Variants in SLCO1A2 observed in about 807,000 individuals in gnomAD.
The protein encoded by SLCO1A2 is OATP-1.
In SLCO1A2, 67 loss-of-function variants were observed where a neutral mutation model predicts 69.0. That is an observed-to-expected ratio of 0.97 (90% confidence interval 0.80 to 1.19). The LOEUF (loss-of-function observed/expected upper bound fraction) is 1.19. Among genes scored for constraint, SLCO1A2 ranks in the 50% most tolerant of loss-of-function variants. SLCO1A2 has a pLI of 0.00. For synonymous variants in SLCO1A2, 260 were observed against 265.9 expected (o/e 0.98, Z 0.22); for missense variants, 787 against 793.7 (o/e 0.99, Z 0.10).
chr12:21,297,249 C>T lies in SLCO1A2; in HGVS notation c.1075+155G>A, dbSNP rs1390510470. 2.6e-3 allele frequency among the ~76,000 whole-genome samples: 372 copies of T among 144,466 alleles called. 2 individuals carry two copies. Among genetic ancestry groups the T allele is most frequent in the African/African-American group, 9.3e-3 (353 of 37,880 alleles). The allele number at this position is 144,466 out of a possible 152,430, so 94.8% of individuals were successfully genotyped here. The stretch of plus-strand genomic sequence containing the variant: ...TCCTTCCTTCTTTCTTTCTTTCTTT[C>T]TCTTTCTTTCTTTCTTTCTTGAGAT... On this transcript the variant is annotated intron_variant, in intron 9 of 14. Transcript: ENST00000683939.
chr12:21,315,588 T>C (rs942436367), intron 3 of SLCO1A2, among the ~76,000 whole-genome samples: 1 of 152,234 alleles, frequency 6.6e-6, no homozygotes, highest in African/African-American at 2.4e-5. Context: ...ATTTTCTAAG[T>C]GGTGTATATT....
At chr12:21,366,440 A>C (rs1693731465) in intron 2 of SLCO1A2, among the ~76,000 whole-genome samples, 1 of 152,148 alleles carries the variant, frequency 6.6e-6, no homozygotes, top group Non-Finnish European at 1.5e-5. Flanking sequence ...GATATACCTA[A>C]TGTAAATGAC....
Position 21,292,254 on chromosome 12 carries a change from G to T in SLCO1A2, c.1520C>A (p.Ser507Tyr). 1 of 1,613,042 alleles carries T rather than the reference G, an allele frequency of 6.2e-7. No individual in the cohort carries two copies. Among genetic ancestry groups the T allele is most frequent in the African/African-American group, 1.3e-5 (1 of 75,038 alleles). ...LGLCDKGPDC[S>Y]LMLQYFLILS... ...GATTAGGAAGTACTGGAGCATCAAG[G>T]AACAGTCAGGTCCTTTGTCGCACAG... The change falls in exon 12 of 15, where the codon TCC becomes TAC. Residue 507 changes from serine (S) to tyrosine (Y), a missense_variant. Coordinates refer to ENST00000683939, the MANE Select transcript of SLCO1A2 (RefSeq NM_001386879.1).
chr12:21,392,372 C>T (rs1430527908), intron 1 of SLCO1A2, among the ~76,000 whole-genome samples: 1 of 152,182 alleles, frequency 6.6e-6, no homozygotes, highest in East Asian at 1.9e-4. Context: ...CACCTCCTGG[C>T]AGGTGGATCC....
At chr12:21,353,819 T>G (rs569246639) in intron 2 of SLCO1A2, among the ~76,000 whole-genome samples, 1 of 152,346 alleles carries the variant, frequency 6.6e-6, no homozygotes, top group East Asian at 1.9e-4. Flanking sequence ...CATTCACAGC[T>G]ATTTGCCAGT....
chr12:21,389,198 C>T (rs1941035347), intron 1 of SLCO1A2, among the ~76,000 whole-genome samples: 1 of 152,052 alleles, frequency 6.6e-6, no homozygotes, highest in East Asian at 1.9e-4. Flanking sequence ...AGGAAGGCAA[C>T]AAGATATCAA....
At chr12:21,393,222 C>T (rs1202464887) in intron 1 of SLCO1A2, among the ~76,000 whole-genome samples, 2 of 152,004 alleles carry the variant, frequency 1.3e-5, no homozygotes, top group African/African-American at 2.4e-5. Flanking sequence ...AGAACAGAAC[C>T]GATAATAAAC....
At chr12:21,359,865 G>T (rs1938686209) in intron 2 of SLCO1A2, among the ~76,000 whole-genome samples, 1 of 152,102 alleles carries the variant, frequency 6.6e-6, no homozygotes, top group Non-Finnish European at 1.5e-5. Context: ...AGCTTTATTT[G>T]TAATAGCCTC....
chr12:21,300,820 C>T (rs986627304), intron 7 of SLCO1A2, among the ~76,000 whole-genome samples: 2 of 152,088 alleles, frequency 1.3e-5, no homozygotes, highest in African/African-American at 4.8e-5. Flanking sequence ...AGTTCTATTT[C>T]ATCATCAACA....
In SLCO1A2 at chr12:21,318,799, T is replaced by A. The variant is rs746356039; in HGVS notation, c.185A>T (p.Asn62Ile). ...TTCATTACCAATCTCAAAGCTTCCA[T>A]TAATGAATCCAACTAGAGATGTTGG... The part of the protein sequence containing the change: ...NIPTSLVGFI[N>I]GSFEIGNLLL... The change falls in exon 3 of 15, where the codon AAT becomes ATT. Residue 62 changes from asparagine (N) to isoleucine (I), a missense_variant. Transcript: ENST00000683939. 11 of 1,599,616 alleles carry A rather than the reference T, an allele frequency of 6.9e-6. No individual in the cohort carries two copies. Among genetic ancestry groups the A allele is most frequent in the African/African-American group, 1.3e-5 (1 of 74,102 alleles).
chr12:21,361,098 C>A (rs2137047434), intron 2 of SLCO1A2, among the ~76,000 whole-genome samples: 1 of 152,286 alleles, frequency 6.6e-6, no homozygotes, highest in East Asian at 1.9e-4. Flanking sequence ...TCAAGTGGGT[C>A]CCTGACCCCT....
At chr12:21,313,695 AGAGT>A (rs933397343) in intron 4 of SLCO1A2, among the ~76,000 whole-genome samples, 120 of 152,262 alleles carry the variant, frequency 7.9e-4, no homozygotes, top group African/African-American at 2.9e-3. Context: ...CCTGGGCGAC[AGAGT>A]GAGTGAGACT....
At chr12:21,361,656 A>G (rs1165165014) in intron 2 of SLCO1A2, among the ~76,000 whole-genome samples, 2 of 152,160 alleles carry the variant, frequency 1.3e-5, no homozygotes, top group Non-Finnish European at 1.5e-5. Context: ...AAAAGAGTAG[A>G]CGAATGGCAG....
chr12:21,394,058 C>T (rs1333001280), intron 1 of SLCO1A2, among the ~76,000 whole-genome samples: 2 of 152,154 alleles, frequency 1.3e-5, no homozygotes, highest in African/African-American at 2.4e-5. Flanking sequence ...CAATATTGCA[C>T]AGTGACCTTC....
intron 13 of SLCO1A2, chr12:21,274,942 A>G: frequency 2.9e-6 from 3 of 1,043,894 alleles, no homozygotes; most frequent in Non-Finnish European, 3.5e-6. Flanking sequence ...AGAATAGTGT[A>G]ATTAAGGTCA....
chr12:21,326,862 T>G (rs1158840849), intron 2 of SLCO1A2, among the ~76,000 whole-genome samples: 1 of 152,118 alleles, frequency 6.6e-6, no homozygotes, highest in Admixed American at 6.5e-5. Context: ...TTAGGAAAAT[T>G]TGGAGACTGA....
At chr12:21,274,955 CAG>C in intron 13 of SLCO1A2, 1 of 1,033,760 alleles carries the variant, frequency 9.7e-7, no homozygotes, top group Non-Finnish European at 1.2e-6. Flanking sequence ...TAAGGTCAGA[CAG>C]GGCCTTTTCA....
rs1320980063 is a variant in SLCO1A2, at chr12:21,266,555, C to T, written c.*2993G>A. 3 of 152,070 alleles carry T rather than the reference C, an allele frequency of 2.0e-5. No individual in the cohort carries two copies. Among genetic ancestry groups the T allele is most frequent in the African/African-American group, 7.2e-5 (3 of 41,416 alleles). 9.4% of individuals were successfully genotyped at this position (152,070 alleles called of 1,614,324 possible). On this transcript the variant is annotated 3_prime_UTR_variant, in exon 15 of 15. Transcript: ENST00000683939. ...ATAATAATAAATGATTCTGATGGCACTATTTCCACCCACAGAAGTCATTCT... is the reference window on the plus strand; with the variant it reads ...ATAATAATAAATGATTCTGATGGCATTATTTCCACCCACAGAAGTCATTCT...
intron 1 of SLCO1A2, among the ~76,000 whole-genome samples, chr12:21,393,240 C>T (rs1313493660): frequency 6.6e-6 from 1 of 152,140 alleles, no homozygotes; most frequent in Admixed American, 6.5e-5. Context: ...AACCTTCTAT[C>T]AATCTAGCAA....
Sources: gnomAD v4.1 joint callset for allele counts (sites outside exome capture counted in the v4.1 genomes callset) on GRCh38, gnomAD v4.1.1 for gene constraint, MANE v1.5 for transcripts, NCBI Gene and HGNC (gene_info 2026-07-23, HGNC 2026-07-21) for gene names.